Variants in PGM5 observed in about 807,000 individuals in gnomAD.
PGM5 encodes phosphoglucomutase-like protein 5.
In PGM5, 23 loss-of-function variants were observed where a neutral mutation model predicts 59.2. The ratio of observed to expected loss-of-function variants is 0.39; its 90% CI spans 0.28 to 0.55. The LOEUF is 0.55. PGM5 is among the 20% of genes least tolerant of loss of function. The pLI, the probability that PGM5 is intolerant of heterozygous loss-of-function variation, is 0.66. For synonymous variants in PGM5, 214 were observed against 286.0 expected, an observed-to-expected ratio of 0.75 and a Z score of 2.54; for missense variants, 574 against 748.3, an observed-to-expected ratio of 0.77 and a Z score of 2.72.
chr9:68,440,994 C>A (rs142371403), intron 6 of PGM5, among the ~76,000 whole-genome samples: 25 of 152,084 alleles, frequency 1.6e-4, no homozygotes, highest in African/African-American at 6.0e-4. Context: ...ACCCTTTAGA[C>A]TTTAAAATAA....
chr9:68,522,755 T>C (rs993618499), intron 10 of PGM5, among the ~76,000 whole-genome samples: 3 of 152,230 alleles, frequency 2.0e-5, no homozygotes, highest in Non-Finnish European at 2.9e-5. Flanking sequence ...TCTCAGAGAC[T>C]AGACCTGGAG....
chr9:68,404,456 C>T (rs1209046112), intron 6 of PGM5, among the ~76,000 whole-genome samples: 1 of 152,106 alleles, frequency 6.6e-6, no homozygotes, highest in African/African-American at 2.4e-5. Flanking sequence ...ATAGACAACA[C>T]TGATGACCAG....
At position 68,447,478 on chromosome 9, in the gene PGM5, G is replaced by A. The variant is rs72714321; in HGVS notation, c.1044-17615G>A. 6.8e-3 allele frequency among the ~76,000 whole-genome samples: 1,041 copies of A among 152,206 alleles called. 5 individuals carry two copies. The highest frequency in any genetic ancestry group is 1.0e-2 in the Non-Finnish European group (677 of 68,020). Reference sequence around the variant, plus strand: ...CAGGGCTTTTTTGTACTAGCTCTGAGGCCTTGGACAAGTCATATAACCTCT... The same window carrying A: ...CAGGGCTTTTTTGTACTAGCTCTGAAGCCTTGGACAAGTCATATAACCTCT... On this transcript the variant is annotated intron_variant, in intron 6 of 10. Transcript: ENST00000396396.
chr9:68,418,516 C>T (rs1217308563), intron 6 of PGM5, among the ~76,000 whole-genome samples: 1 of 152,024 alleles, frequency 6.6e-6, no homozygotes, highest in Non-Finnish European at 1.5e-5. Flanking sequence ...GATAGCTTGT[C>T]CTAAACTGAA....
intron 10 of PGM5, among the ~76,000 whole-genome samples, chr9:68,522,431 G>C (rs1369000816): frequency 6.6e-6 from 1 of 152,178 alleles, no homozygotes; most frequent in African/African-American, 2.4e-5. Flanking sequence ...CCACCAACAA[G>C]TACTTCCAGC....
At chr9:68,434,608 A>C (rs1308503878) in intron 6 of PGM5, among the ~76,000 whole-genome samples, 1 of 152,056 alleles carries the variant, frequency 6.6e-6, no homozygotes, top group African/African-American at 2.4e-5. Flanking sequence ...GGAGTTTGAG[A>C]CCAGCCTGGA....
intron 10 of PGM5, among the ~76,000 whole-genome samples, chr9:68,519,660 A>T (rs1306068335): frequency 2.0e-5 from 3 of 151,456 alleles, no homozygotes; most frequent in Non-Finnish European, 2.9e-5. Flanking sequence ...ATAAAAAAAA[A>T]TTAAAAAAAA....
At chr9:68,454,764 A>T (rs930034611) in intron 6 of PGM5, among the ~76,000 whole-genome samples, 2 of 152,162 alleles carry the variant, frequency 1.3e-5, no homozygotes, top group Non-Finnish European at 2.9e-5. Flanking sequence ...ATTAAACTGG[A>T]TTCCACAGGC....
Position 68,529,785 on chromosome 9 carries a change from A to T in PGM5, c.*129A>T. ...ACAAAAGATATTTTGCTTTTGGGGG[A>T]TAGAGGGTGGGTGGGAAAAGAAAAA... On this transcript the variant is annotated 3_prime_UTR_variant, in exon 11 of 11. Coordinates refer to ENST00000396396, the MANE Select transcript of PGM5 (RefSeq NM_021965.4). 6.1e-5 allele frequency: 24 copies of T among 394,384 alleles called. No homozygotes were observed. Among genetic ancestry groups the T allele is most frequent in the East Asian group, 1.2e-4 (2 of 16,058 alleles). The allele number at this position is 394,384 out of a possible 1,614,324, so 24.4% of individuals were successfully genotyped here. A position where few individuals can be genotyped will look rare whatever the true frequency, so the allele number is the denominator to read the frequency against.
intron 6 of PGM5, among the ~76,000 whole-genome samples, chr9:68,415,816 T>TA (rs1419570921): frequency 7.8e-4 from 43 of 54,794 alleles, no homozygotes; most frequent in African/African-American, 1.9e-3. Flanking sequence ...TCTATCTATC[T>TA]TATCTATCTA....
chr9:68,481,989 G>A (rs1450466599), intron 8 of PGM5, among the ~76,000 whole-genome samples: 1 of 152,208 alleles, frequency 6.6e-6, no homozygotes, highest in Non-Finnish European at 1.5e-5. Flanking sequence ...CTGAATATCT[G>A]AGAAAATCTT....
intron 6 of PGM5, among the ~76,000 whole-genome samples, chr9:68,402,789 G>A (rs534964213): frequency 1.3e-5 from 2 of 152,274 alleles, no homozygotes; most frequent in Admixed American, 6.5e-5. Context: ...GGTACTTCTG[G>A]AGTGAAAGAG....
chr9:68,358,770 AAAACGCAATTGGGAGAAACAGGGCC>A (rs1466670216), intron 1 of PGM5, among the ~76,000 whole-genome samples: 1 of 152,036 alleles, frequency 6.6e-6, no homozygotes. Context: ...AAAACATAAT[AAAACGCAATTGGGAGAAACAGGGCC>A]AGTGGTGTTG....
At chr9:68,460,809 T>A (rs1157275071) in intron 6 of PGM5, among the ~76,000 whole-genome samples, 1 of 152,168 alleles carries the variant, frequency 6.6e-6, no homozygotes, top group African/African-American at 2.4e-5. Flanking sequence ...GAAGGAGCCA[T>A]GAAGACATAC....
At chr9:68,386,954 A>C (rs1300038624) in intron 3 of PGM5, among the ~76,000 whole-genome samples, 1 of 151,942 alleles carries the variant, frequency 6.6e-6, no homozygotes, top group Non-Finnish European at 1.5e-5. Context: ...GAATATATTC[A>C]TCACCAATTC....
intron 10 of PGM5, among the ~76,000 whole-genome samples, chr9:68,515,087 G>T (rs1487775326): frequency 6.6e-6 from 1 of 152,230 alleles, no homozygotes; most frequent in African/African-American, 2.4e-5. Context: ...TGCTAAAATT[G>T]TGGGTAGACA....
At chr9:68,375,804 G>C (rs1554677567) in intron 1 of PGM5, among the ~76,000 whole-genome samples, 1 of 152,200 alleles carries the variant, frequency 6.6e-6, no homozygotes, top group Non-Finnish European at 1.5e-5. Flanking sequence ...ATTATATAGG[G>C]CTGTCAAGGG....
chr9:68,525,562 T>G (rs1824959213), intron 10 of PGM5, among the ~76,000 whole-genome samples: 1 of 152,174 alleles, frequency 6.6e-6, no homozygotes, highest in Non-Finnish European at 1.5e-5. Flanking sequence ...GCTGGGACAT[T>G]TGGTTTCCCA....
chr9:68,495,128 A>G (rs78068546), intron 9 of PGM5, among the ~76,000 whole-genome samples: 2,320 of 152,370 alleles, frequency 0.015, 25 homozygotes, highest in Non-Finnish European at 0.025. Context: ...CCAAAGTCAT[A>G]ACTCAGCAAG....
Sources: gnomAD v4.1 joint callset for allele counts (sites outside exome capture counted in the v4.1 genomes callset) on GRCh38, gnomAD v4.1.1 for gene constraint, MANE v1.5 for transcripts, NCBI Gene and HGNC (gene_info 2026-07-23, HGNC 2026-07-21) for gene names.